Variants in UEVLD observed in about 807,000 individuals in gnomAD.
The protein encoded by UEVLD is ubiquitin-conjugating enzyme E2 variant 3.
A neutral mutation model predicts 58.6 loss-of-function variants in UEVLD; 47 were observed. The ratio of observed to expected loss-of-function variants is 0.80; its 90% confidence interval spans 0.63 to 1.02. UEVLD has a LOEUF of 1.02. Among genes scored for constraint, UEVLD ranks in the 50% least tolerant of loss-of-function variants. The probability of loss-of-function intolerance (pLI) is 0.00; values close to 1 mark genes in which losing one functional copy is unlikely to be tolerated. For missense variants in UEVLD, 510 were observed against 550.6 expected (o/e 0.93, Z 0.74); for synonymous variants, 197 against 195.3 (o/e 1.01, Z -0.07).
chr11:18,561,228 G>C (rs1192044083), intron 6 of UEVLD, among the ~76,000 whole-genome samples: 1 of 152,114 alleles, frequency 6.6e-6, no homozygotes, highest in South Asian at 2.1e-4. Context: ...TTGGGTAACC[G>C]CCCTATGCCT....
At chr11:18,536,242 A>G (rs1024434760) in intron 10 of UEVLD, among the ~76,000 whole-genome samples, 164 bp downstream of exon 10, 1 of 152,236 alleles carries the variant, frequency 6.6e-6, no homozygotes, top group Non-Finnish European at 1.5e-5. Flanking sequence ...CTACCTTCAG[A>G]TAAGAAATCA....
chr11:18,556,124 A>G (rs1047057578), intron 7 of UEVLD, among the ~76,000 whole-genome samples: 3 of 152,212 alleles, frequency 2.0e-5, no homozygotes, highest in African/African-American at 7.2e-5. Context: ...ATCTGAAGCA[A>G]TACCTATTGA....
chr11:18,560,090 T>C (rs868324375), intron 6 of UEVLD, among the ~76,000 whole-genome samples: 5 of 76,110 alleles, frequency 6.6e-5, no homozygotes, highest in Non-Finnish European at 8.6e-5. Flanking sequence ...ACCCCGTCTC[T>C]ACACACACAC....
chr11:18,547,011 G>A lies in UEVLD; in HGVS notation c.755C>T (p.Thr252Ile), dbSNP rs751272991. ...CTGAGAACTACCCAAAGAGTTGACT[G>A]TGAAGATCACCACCTTGGAATGAGC... Reference protein sequence around the residue: ...ASAHSKVVIFTVNSLGSSQSY... With the variant: ...ASAHSKVVIFIVNSLGSSQSY... Residue 252 changes from threonine (T) to isoleucine (I), a missense_variant, in exon 8 of 12, where the codon ACA (threonine) becomes ATA (isoleucine). By Grantham distance (89) the Thr-to-Ile change is moderately conservative (BLOSUM62 -1). Coordinates refer to ENST00000396197, the MANE Select transcript of UEVLD (RefSeq NM_001040697.4). 1.2e-6 allele frequency: 2 copies of A among 1,614,000 alleles called. No individual in the cohort carries two copies. Among genetic ancestry groups the A allele is most frequent in the Non-Finnish European group, 1.7e-6 (2 of 1,179,982 alleles).
chr11:18,569,560 A>C (rs776924469), intron 4 of UEVLD, among the ~76,000 whole-genome samples: 1 of 152,226 alleles, frequency 6.6e-6, no homozygotes, highest in African/African-American at 2.4e-5. Flanking sequence ...GTTCATCATT[A>C]AATGTCTTAC....
In UEVLD at chr11:18,573,997, C is replaced by T. The variant is rs985529073; in HGVS notation, c.193+1350G>A. Among the ~76,000 whole-genome samples, 4 of 152,282 alleles carry T rather than the reference C, an allele frequency of 2.6e-5. No homozygotes were observed. In the South Asian group the frequency reaches 8.3e-4, roughly 32 times the overall value. On this transcript the variant is annotated intron_variant, in intron 3 of 11. Transcript: ENST00000396197. ...AGTGTATCTTCTGTTTCAAATGCCC[C>T]AGTAAGCCACTTATTCCTAAGCCCT... is the stretch of plus-strand genomic sequence containing the variant.
chr11:18,548,327 A>G (rs888967715), intron 7 of UEVLD, among the ~76,000 whole-genome samples: 1 of 152,222 alleles, frequency 6.6e-6, no homozygotes, highest in African/African-American at 2.4e-5. Flanking sequence ...AAGTAATTAG[A>G]ATGGCATCAG....
chr11:18,585,649 T>A lies in UEVLD; in HGVS notation c.42+2964A>T, dbSNP rs1240825631. Among the ~76,000 whole-genome samples the A allele has an allele frequency of 5.0e-4, 76 of 151,948 alleles. 1 individual carries two copies. The highest frequency in any genetic ancestry group is 8.8e-4 in the Non-Finnish European group (60 of 67,978). On this transcript the variant is annotated intron_variant, in intron 1 of 11. Transcript: ENST00000396197. ...TCCTTCTTTATTATTATTATTTTTT[T>A]TTTTTTGAGACAGAGTATTGCTCTG... is the stretch of plus-strand genomic sequence containing the variant.
At chr11:18,546,578 A>G (rs564979617) in intron 8 of UEVLD, among the ~76,000 whole-genome samples, 2 of 150,770 alleles carry the variant, frequency 1.3e-5, no homozygotes, top group African/African-American at 2.4e-5. Flanking sequence ...GCCTCACTGC[A>G]ACCACCATCT....
intron 7 of UEVLD, among the ~76,000 whole-genome samples, chr11:18,553,183 G>A (rs571342404): frequency 1.6e-4 from 23 of 143,686 alleles, no homozygotes; most frequent in South Asian, 6.8e-4. Context: ...AAAATTAGCC[G>A]GGCATGGTGG....
At chr11:18,563,788 T>G (rs1386776387) in intron 6 of UEVLD, 3 of 685,970 alleles carry the variant, frequency 4.4e-6, no homozygotes, top group Non-Finnish European at 5.4e-6. Context: ...GTGGATCACT[T>G]GAGGTCAGAA....
Position 18,564,890 on chromosome 11 carries a change from A to C in UEVLD, c.612+2T>G. ...GTATTTATAACCACTATGTTTACAT[A>C]CCTTTGCTGAAATTGCTAATGTGCA... is the stretch of plus-strand genomic sequence containing the variant. On this transcript the variant is annotated splice_donor_variant, in intron 6 of 11. Coordinates refer to ENST00000396197, the MANE Select transcript of UEVLD (RefSeq NM_001040697.4). LOFTEE classifies it high-confidence loss of function. The C allele has an allele frequency of 6.2e-7, 1 of 1,601,100 alleles. No individual in the cohort carries two copies. Among genetic ancestry groups the C allele is most frequent in the Non-Finnish European group, 8.6e-7 (1 of 1,168,594 alleles).
intron 4 of UEVLD, 90 bp from the exon 5 acceptor site, chr11:18,566,572 G>C: frequency 1.4e-6 from 2 of 1,407,062 alleles, no homozygotes; most frequent in Non-Finnish European, 1.9e-6. Flanking sequence ...CTTGAGCCCA[G>C]GAGTTTCAGA....
intron 1 of UEVLD, among the ~76,000 whole-genome samples, chr11:18,588,220 A>G (rs1464720384): frequency 1.3e-5 from 2 of 152,244 alleles, no homozygotes; most frequent in African/African-American, 2.4e-5. Context: ...GGTTGATTCA[A>G]TCTTACAGGG....
chr11:18,560,708 T>A (rs1851992617), intron 6 of UEVLD, among the ~76,000 whole-genome samples: 1 of 152,134 alleles, frequency 6.6e-6, no homozygotes, highest in South Asian at 2.1e-4. Context: ...TCACCAGGGA[T>A]TTTATTAAAA....
chr11:18,539,180 T>G (rs1850950385), intron 9 of UEVLD: 1 of 145,528 alleles, frequency 6.9e-6, no homozygotes, highest in South Asian at 2.3e-4. Context: ...CAAACAATTC[T>G]CCTGCCTCAG....
chr11:18,572,729 G>A (rs1302576650), intron 3 of UEVLD, among the ~76,000 whole-genome samples: 1 of 151,748 alleles, frequency 6.6e-6, no homozygotes, highest in African/African-American at 2.4e-5. Flanking sequence ...GCTTGAACCT[G>A]GGAGGTGGAG....
chr11:18,576,386 C>G (rs1852912026), intron 2 of UEVLD, among the ~76,000 whole-genome samples: 1 of 151,978 alleles, frequency 6.6e-6, no homozygotes, highest in Non-Finnish European at 1.5e-5. Context: ...AACCCCATCT[C>G]TATCAGCCGG....
intron 4 of UEVLD, among the ~76,000 whole-genome samples, chr11:18,567,875 T>G (rs1852374796): frequency 6.6e-6 from 1 of 152,234 alleles, no homozygotes. Flanking sequence ...GGGGGCACTG[T>G]GGCTCACACT....
Sources: gnomAD v4.1 joint callset for allele counts (sites outside exome capture counted in the v4.1 genomes callset) on GRCh38, gnomAD v4.1.1 for gene constraint, MANE v1.5 for transcripts, NCBI Gene and HGNC (gene_info 2026-07-23, HGNC 2026-07-21) for gene names.